RNF121: variants seen among roughly 807,000 people sequenced by gnomAD.
RNF121 encodes ring finger protein 121.
RNF121 carries 21 observed loss-of-function variants against 46.5 expected under a neutral mutation model. The observed-to-expected ratio is 0.45, with a 90% CI of 0.32 to 0.65. The LOEUF (loss-of-function observed/expected upper bound fraction) is 0.65, where lower values mean the gene tolerates loss of function less well. RNF121 is among the 30% of genes least tolerant of loss of function. The pLI, the probability that RNF121 is intolerant of heterozygous loss-of-function variation, is 0.04. For missense variants in RNF121, 346 were observed against 416.0 expected (o/e 0.83, Z 1.46); for synonymous variants, 139 against 144.7 (o/e 0.96, Z 0.28).
intron 2 of RNF121, among the ~76,000 whole-genome samples, chr11:71,959,906 G>T (rs758407027): frequency 3.3e-5 from 5 of 152,160 alleles, no homozygotes; most frequent in Non-Finnish European, 7.3e-5. Context: ...AAAGTGCTGG[G>T]ATTACAGGTG....
intron 4 of RNF121, among the ~76,000 whole-genome samples, chr11:71,986,543 G>C (rs569535773): frequency 6.6e-6 from 1 of 151,966 alleles, no homozygotes; most frequent in African/African-American, 2.4e-5. Context: ...TGAGGCGAGT[G>C]GATCATGTGG....
At chr11:71,941,439 G>A (rs7948821) in intron 1 of RNF121, among the ~76,000 whole-genome samples, 135,234 of 152,252 alleles carry the variant, frequency 0.89, 60,311 homozygotes, top group Non-Finnish European at 0.94. Context: ...TGTGACTTCA[G>A]TGTCAAACAT....
intron 1 of RNF121, 62 bp from the exon 2 acceptor site, chr11:71,957,165 C>T: frequency 9.5e-7 from 1 of 1,052,088 alleles, no homozygotes; most frequent in Non-Finnish European, 1.5e-6. Context: ...GTGTGAGCAC[C>T]TTATATTGGC....
At chr11:71,944,237 G>T (rs966971068) in intron 1 of RNF121, among the ~76,000 whole-genome samples, 3 of 152,184 alleles carry the variant, frequency 2.0e-5, no homozygotes, top group Admixed American at 6.5e-5. Flanking sequence ...GGAGACTGAG[G>T]CAGGAGAATC....
intron 1 of RNF121, 87 bp downstream of exon 1, chr11:71,929,211 A>G (rs1037277238): frequency 1.8e-5 from 26 of 1,483,866 alleles, no homozygotes; most frequent in Non-Finnish European, 2.3e-5. Context: ...GTCTTAGGAG[A>G]GAAGGGAAAG....
At chr11:71,991,250 G>A (rs1232062162) in intron 6 of RNF121, among the ~76,000 whole-genome samples, 1 of 151,164 alleles carries the variant, frequency 6.6e-6, no homozygotes, top group Non-Finnish European at 1.5e-5. Flanking sequence ...AAAAAAATTA[G>A]CCAGATCTCA....
chr11:71,946,434 C>A (rs1953719860), intron 1 of RNF121, among the ~76,000 whole-genome samples: 1 of 152,238 alleles, frequency 6.6e-6, no homozygotes, highest in South Asian at 2.1e-4. Context: ...TGCCGTGTTG[C>A]CCAGGCTGGT....
chr11:71,989,788 T>G (rs982692431), intron 5 of RNF121, among the ~76,000 whole-genome samples: 4 of 152,326 alleles, frequency 2.6e-5, no homozygotes, highest in Admixed American at 6.5e-5. Context: ...ATACAGATTA[T>G]TTATATTTGT....
intron 5 of RNF121, among the ~76,000 whole-genome samples, chr11:71,989,090 G>GTTTC: frequency 6.6e-6 from 1 of 151,896 alleles, no homozygotes; most frequent in East Asian, 1.9e-4. Flanking sequence ...TTGTTTGTTT[G>GTTTC]TTTGTTTGTT....
intron 1 of RNF121, among the ~76,000 whole-genome samples, chr11:71,937,618 A>G (rs1399289364): frequency 6.6e-6 from 1 of 152,196 alleles, no homozygotes; most frequent in Non-Finnish European, 1.5e-5. Context: ...TCCTTCTTTG[A>G]ATGCCTCTAT....
Position 71,957,100 on chromosome 11 carries a change from T to C in RNF121, c.64-127T>C, listed in dbSNP as rs551116499. On this transcript the variant is annotated intron_variant, in intron 1 of 8. Transcript: ENST00000361756. ...GTGAAATAGAATGGTTGGTAAGGCT[T>C]CATAGAGATACTAAGACTTGAAGCT... 8.8e-4 allele frequency: 674 copies of C among 768,418 alleles called. 1 individual carries two copies. Among genetic ancestry groups the C allele is most frequent in the Admixed American group, 1.7e-3 (94 of 56,372 alleles). 47.6% of individuals were successfully genotyped at this position (768,418 alleles called of 1,614,324 possible).
intron 6 of RNF121, among the ~76,000 whole-genome samples, chr11:71,992,436 G>A (rs762575268): frequency 1.7e-4 from 26 of 152,060 alleles, no homozygotes; most frequent in Non-Finnish European, 3.5e-4. Flanking sequence ...GAGACAATTT[G>A]GTGTCTCTTA....
At chr11:71,929,806 A>C (rs1398239367) in intron 1 of RNF121, among the ~76,000 whole-genome samples, 1 of 152,218 alleles carries the variant, frequency 6.6e-6, no homozygotes, top group Non-Finnish European at 1.5e-5. Flanking sequence ...AAGAGCCCAC[A>C]GTCTAGTGGT....
At position 71,994,841 on chromosome 11, in the gene RNF121, C is replaced by T; in HGVS notation, c.750C>T (p.Ser250=). 1.2e-6 allele frequency: 2 copies of T among 1,614,168 alleles called. No individual in the cohort carries two copies. The highest frequency in any genetic ancestry group is 1.7e-6 in the Non-Finnish European group (2 of 1,180,028). ...EGIIENTYRL[S]CNHVFHEFCI... is the part of the protein sequence containing the mutation. ...TCATTGAGAACACGTATAGGCTGTC[C>T]TGCAATCATGTGTATCCTGCCTCGA... is the stretch of plus-strand genomic sequence containing the variant. Residue 250 remains serine (S), a synonymous_variant, in exon 7 of 9, where the codon TCC becomes TCT. Transcript: ENST00000361756.
chr11:71,935,123 G>A (rs1953376873), intron 1 of RNF121, among the ~76,000 whole-genome samples: 1 of 151,968 alleles, frequency 6.6e-6, no homozygotes, highest in East Asian at 1.9e-4. Context: ...TGTAGAGACA[G>A]AGTTTCACCA....
In RNF121 at chr11:71,995,509, A is replaced by C. The variant is rs1325904741; in HGVS notation, c.821A>C (p.Tyr274Ser). ...GTGGGAAAGAAGCAAACGTGTCCCT[A>C]CTGCAAAGAGAAGGTAGACCTCAAG... ...CIVGKKQTCP[Y>S]CKEKVDLKRM... Residue 274 changes from tyrosine to serine, a missense_variant, in exon 8 of 9, where the codon TAC becomes TCC. By Grantham distance (144) the Tyr-to-Ser change is moderately radical. Around this residue, in one of 2 missense-constraint regions of RNF121, gnomAD observed 286 missense variants for 383.8 expected, o/e 0.75. Transcript: ENST00000361756. 1 of 1,596,080 alleles carries C rather than the reference A, an allele frequency of 6.3e-7. No individual in the cohort carries two copies. The highest frequency in any genetic ancestry group is 8.5e-7 in the Non-Finnish European group (1 of 1,169,906).
chr11:71,954,400 C>G (rs542987806), intron 1 of RNF121, among the ~76,000 whole-genome samples: 1 of 152,302 alleles, frequency 6.6e-6, no homozygotes, highest in South Asian at 2.1e-4. Flanking sequence ...CAAGTCTAGT[C>G]TCAGCCTTAG....
At chr11:71,932,526 G>A (rs1953299944) in intron 1 of RNF121, among the ~76,000 whole-genome samples, 1 of 152,182 alleles carries the variant, frequency 6.6e-6, no homozygotes, top group South Asian at 2.1e-4. Flanking sequence ...TGTAAAAATT[G>A]ATACCGTATA....
At chr11:71,954,286 A>G (rs192094274) in intron 1 of RNF121, among the ~76,000 whole-genome samples, 10 of 152,294 alleles carry the variant, frequency 6.6e-5, no homozygotes, top group Admixed American at 6.5e-4. Context: ...GTTTGGATGT[A>G]ACTTAAATAA....
Sources: allele counts gnomAD v4.1 joint callset (sites outside exome capture counted in the v4.1 genomes callset), GRCh38; gene constraint gnomAD v4.1.1; regional missense constraint gnomAD v4.1.1; transcripts MANE v1.5; gene names NCBI Gene and HGNC (gene_info 2026-07-23, HGNC 2026-07-21).